DIPK2A: variants seen among roughly 807,000 people sequenced by gnomAD.
DIPK2A encodes Golgi Protein of 49 kDa.
DIPK2A carries 27 observed loss-of-function variants against 39.0 expected under a neutral mutation model. The ratio of observed to expected loss-of-function variants is 0.69; its 90% CI spans 0.51 to 0.96. The LOEUF (loss-of-function observed/expected upper bound fraction) is 0.96. Among genes scored for constraint, DIPK2A ranks in the 40% least tolerant of loss-of-function variants. The probability of loss-of-function intolerance (pLI) is 0.00; values close to 1 mark genes in which losing one functional copy is unlikely to be tolerated. For synonymous variants in DIPK2A, 298 were observed against 240.8 expected (o/e 1.24, Z -2.20); for missense variants, 528 against 571.3 (o/e 0.92, Z 0.77).
Position 143,985,715 on chromosome 3 carries a change from A to G in DIPK2A, c.830A>G (p.Asn277Ser). Reference protein sequence around the residue: ...LMEIAEQLTNNDFEFALYLLD... With the variant: ...LMEIAEQLTNSDFEFALYLLD... ...GAAATAGCAGAACAGCTTACAAACAATGACTTTGAATTTGCACTCTACCTC... is the reference window on the plus strand; with the variant it reads ...GAAATAGCAGAACAGCTTACAAACAGTGACTTTGAATTTGCACTCTACCTC... Residue 277 changes from asparagine to serine, a missense_variant, in exon 2 of 3, where the codon AAT becomes AGT. Around this residue, in one of 2 missense-constraint regions of DIPK2A, gnomAD observed 219 missense variants for 281.5 expected, o/e 0.78. Coordinates refer to ENST00000315691, the MANE Select transcript of DIPK2A (RefSeq NM_173552.5). 3 of 1,614,206 alleles carry G rather than the reference A, an allele frequency of 1.9e-6. No individual in the cohort carries two copies. The highest frequency in any genetic ancestry group is 2.5e-6 in the Non-Finnish European group (3 of 1,180,030).
In DIPK2A at chr3:143,973,812, A is replaced by G. The variant is rs1379249240; in HGVS notation, c.657+823A>G. On this transcript the variant is annotated intron_variant, in intron 1 of 2. Transcript: ENST00000315691. Reference sequence around the variant, plus strand: ...GTTTGCTCTCGTCTGACTGTTTTGAAAAGTAATGTGCCTTTTAGGGGAATA... The same window carrying G: ...GTTTGCTCTCGTCTGACTGTTTTGAGAAGTAATGTGCCTTTTAGGGGAATA... The G allele has an allele frequency of 9.0e-6, 5 of 556,324 alleles. No individual in the cohort carries two copies. The East Asian group carries it at 1.2e-4, about 14-fold the overall frequency. 34.5% of individuals were successfully genotyped at this position (556,324 alleles called of 1,614,324 possible). A position where few individuals can be genotyped will look rare whatever the true frequency, so the allele number is the denominator to read the frequency against.
In DIPK2A at chr3:143,990,479, C is replaced by A. The variant is rs1012108109; in HGVS notation, c.*638C>A. ...TAAATATTACATTATGTAAATACTT[C>A]TTTTCACCAACTTCTGTAGTTTCAC... On this transcript the variant is annotated 3_prime_UTR_variant, in exon 3 of 3. Coordinates refer to ENST00000315691, the MANE Select transcript of DIPK2A (RefSeq NM_173552.5). The A allele has an allele frequency of 7.6e-6, 1 of 131,046 alleles. No homozygotes were observed. The highest frequency in any genetic ancestry group is 1.6e-5 in the Non-Finnish European group (1 of 61,344). The allele number at this position is 131,046 out of a possible 1,614,324, so 8.1% of individuals were successfully genotyped here.
intron 1 of DIPK2A, among the ~76,000 whole-genome samples, chr3:143,976,442 T>C (rs1436463382): frequency 6.6e-6 from 1 of 151,868 alleles, no homozygotes; most frequent in Non-Finnish European, 1.5e-5. Flanking sequence ...AAAAATTGAG[T>C]TGTTGAAGTA....
intron 1 of DIPK2A, among the ~76,000 whole-genome samples, chr3:143,980,712 T>C (rs188920067): frequency 5.9e-5 from 9 of 152,304 alleles, no homozygotes; most frequent in African/African-American, 2.2e-4. Context: ...AATAGTTTTT[T>C]TGAAGTTAGT....
At chr3:143,975,447 T>C (rs2087714941) in intron 1 of DIPK2A, among the ~76,000 whole-genome samples, 1 of 152,110 alleles carries the variant, frequency 6.6e-6, no homozygotes, top group African/African-American at 2.4e-5. Context: ...AACAATATAC[T>C]TGAGGTTTGA....
Position 143,972,731 on chromosome 3 carries a change from C to T in DIPK2A, c.399C>T (p.Pro133=). The T allele has an allele frequency of 1.3e-6, 2 of 1,588,246 alleles. No individual in the cohort carries two copies. The highest frequency in any genetic ancestry group is 2.3e-5 in the East Asian group (1 of 44,030). ...TCTGCAAGCGGGCCACCGGCCGGCC[C>T]CGCTGCGACCTGCTGCAGGCCATGC... The part of the protein sequence containing the change: ...QSICKRATGR[P]RCDLLQAMPR... Residue 133 remains proline (P), a synonymous_variant, in exon 1 of 3, where the codon CCC becomes CCT. Transcript: ENST00000315691.
intron 1 of DIPK2A, among the ~76,000 whole-genome samples, chr3:143,975,893 G>A (rs1295553523): frequency 2.6e-5 from 4 of 151,998 alleles, no homozygotes; most frequent in South Asian, 2.1e-4. Flanking sequence ...AAAACTTCCA[G>A]TATCGTAAGC....
chr3:143,985,973 A>G (rs2087893876), intron 2 of DIPK2A, 127 bp downstream of exon 2: 3 of 685,850 alleles, frequency 4.4e-6, no homozygotes, highest in Non-Finnish European at 7.2e-6. Context: ...TCTTTGCTTT[A>G]TATGACCACT....
At chr3:143,973,211 G>A (rs908712088) in intron 1 of DIPK2A, 2 of 1,041,924 alleles carry the variant, frequency 1.9e-6, no homozygotes, top group Non-Finnish European at 2.9e-6. Context: ...ACCTAGATTC[G>A]GGCGCATTTC....
intron 1 of DIPK2A, among the ~76,000 whole-genome samples, chr3:143,979,683 T>C (rs1211413348): frequency 6.6e-6 from 1 of 150,602 alleles, no homozygotes; most frequent in Non-Finnish European, 1.5e-5. Flanking sequence ...TGAAGTGTTT[T>C]TTGTTTTGTG....
At chr3:143,978,648 A>ATATC (rs2087777301) in intron 1 of DIPK2A, 5 of 49,360 alleles carry the variant, frequency 1.0e-4, no homozygotes, top group African/African-American at 5.4e-4. Flanking sequence ...ATCTATATAT[A>ATATC]TATATATATA....
At chr3:143,988,343 T>G (rs1363487707) in intron 2 of DIPK2A, among the ~76,000 whole-genome samples, 1 of 152,110 alleles carries the variant, frequency 6.6e-6, no homozygotes, top group African/African-American at 2.4e-5. Context: ...TAAGCAGTCC[T>G]CCCACCTTGG....
intron 1 of DIPK2A, among the ~76,000 whole-genome samples, chr3:143,980,153 C>T (rs2087806576): frequency 6.6e-6 from 1 of 152,220 alleles, no homozygotes; most frequent in Non-Finnish European, 1.5e-5. Context: ...GTACAGTTGA[C>T]TAATCTTTAT....
In DIPK2A at chr3:143,989,942, T is replaced by A; in HGVS notation, c.*101T>A. On this transcript the variant is annotated 3_prime_UTR_variant, in exon 3 of 3. Coordinates refer to ENST00000315691, the MANE Select transcript of DIPK2A (RefSeq NM_173552.5). Reference sequence around the variant, plus strand: ...AAAATGAAATTTGGAAGTGTTACATTCAGAGGATGATAAACTTGCACTGAT... The same window carrying A: ...AAAATGAAATTTGGAAGTGTTACATACAGAGGATGATAAACTTGCACTGAT... 1.2e-6 allele frequency: 1 copy of A among 848,206 alleles called. No individual in the cohort carries two copies. The highest frequency in any genetic ancestry group is 1.8e-6 in the Non-Finnish European group (1 of 547,312). 52.5% of individuals were successfully genotyped at this position (848,206 alleles called of 1,614,324 possible). A position where few individuals can be genotyped will look rare whatever the true frequency, so the allele number is the denominator to read the frequency against.
At chr3:143,982,502 C>T (rs1448000013) in intron 1 of DIPK2A, among the ~76,000 whole-genome samples, 2 of 152,102 alleles carry the variant, frequency 1.3e-5, no homozygotes, top group African/African-American at 4.8e-5. Context: ...CCAAATTAAG[C>T]TTCATAAGCG....
At position 143,989,576 on chromosome 3, in the gene DIPK2A, T is replaced by C. The variant is rs764335669; in HGVS notation, c.1028T>C (p.Leu343Ser). The part of the protein sequence containing the change: ...KFDDCDKEAC[L>S]SFSKEILCAR... ...GATGACTGTGATAAGGAGGCTTGCT[T>C]ATCATTTTCAAAAGAAATTCTTTGT... Residue 343 changes from leucine to serine, a missense_variant, in exon 3 of 3, where the codon TTA (leucine) becomes TCA (serine). Transcript: ENST00000315691. The C allele has an allele frequency of 6.2e-7, 1 of 1,614,200 alleles. No individual in the cohort carries two copies. Among genetic ancestry groups the C allele is most frequent in the Non-Finnish European group, 8.5e-7 (1 of 1,180,014 alleles).
chr3:143,974,181 A>G (rs141465386), intron 1 of DIPK2A, among the ~76,000 whole-genome samples: 106 of 146,636 alleles, frequency 7.2e-4, no homozygotes, highest in African/African-American at 2.6e-3. Context: ...TCTTTATATT[A>G]TTTTCTTTTC....
intron 1 of DIPK2A, among the ~76,000 whole-genome samples, chr3:143,976,025 G>A (rs1021262903): frequency 3.3e-5 from 5 of 152,012 alleles, no homozygotes; most frequent in African/African-American, 1.2e-4. Context: ...AAAAATTGAA[G>A]TTGCTATTAT....
intron 2 of DIPK2A, among the ~76,000 whole-genome samples, chr3:143,989,155 T>C (rs1213711460): frequency 1.3e-5 from 2 of 152,228 alleles, no homozygotes; most frequent in Non-Finnish European, 2.9e-5. Flanking sequence ...AAGACCTAAA[T>C]CAGATGTTCT....
Sources: gnomAD v4.1 joint callset for allele counts (sites outside exome capture counted in the v4.1 genomes callset) on GRCh38, gnomAD v4.1.1 for gene constraint, gnomAD v4.1.1 regional missense constraint, MANE v1.5 for transcripts, NCBI Gene and HGNC (gene_info 2026-07-23, HGNC 2026-07-21) for gene names.